Variants in PNLIPRP1 observed in about 807,000 individuals in gnomAD.
The protein encoded by PNLIPRP1 is pancreatic lipase related protein 1.
Under a neutral mutation model 54.6 loss-of-function variants are expected in PNLIPRP1, and 57 were observed. The observed-to-expected ratio is 1.04, with a 90% CI of 0.84 to 1.30. The LOEUF is 1.30. PNLIPRP1 is among the 50% of genes most tolerant of loss of function. The probability of loss-of-function intolerance (pLI) is 0.00; values close to 1 mark genes in which losing one functional copy is unlikely to be tolerated. For synonymous variants in PNLIPRP1, 232 were observed against 208.8 expected (o/e 1.11, Z -0.96); for missense variants, 567 against 568.5 (o/e 1.00, Z 0.03).
At chr10:116,602,583 G>A (rs1847865782) in intron 10 of PNLIPRP1, among the ~76,000 whole-genome samples, 1 of 152,236 alleles carries the variant, frequency 6.6e-6, no homozygotes, top group African/African-American at 2.4e-5. Context: ...GTTGGGCTTG[G>A]TGGCTGTTGC....
chr10:116,604,490 CT>C (rs2133240991), intron 11 of PNLIPRP1, among the ~76,000 whole-genome samples: 1 of 152,204 alleles, frequency 6.6e-6, no homozygotes, highest in South Asian at 2.1e-4. Flanking sequence ...GCTGTGCCAT[CT>C]ACGTTTGTGT....
chr10:116,596,361 A>G lies in PNLIPRP1; in HGVS notation c.574+39A>G. ...GGCAGGGCCCCAGTTTTGTCCCCAG[A>G]AACCCCAGAATGAGGTCTCAAGAAT... On this transcript the variant is annotated intron_variant, in intron 6 of 12. Coordinates refer to ENST00000358834, the MANE Select transcript of PNLIPRP1 (RefSeq NM_006229.4). The G allele has an allele frequency of 2.4e-6, 3 of 1,254,792 alleles. No homozygotes were observed. The South Asian group carries it at 3.7e-5, about 15-fold the overall frequency. The allele number at this position is 1,254,792 out of a possible 1,614,324, so 77.7% of individuals were successfully genotyped here. A position where few individuals can be genotyped will look rare whatever the true frequency, so the allele number is the denominator to read the frequency against.
rs372862202 is a variant in PNLIPRP1 at position 116,600,178 on chromosome 10, C to A, written c.933+13C>A. The A allele has an allele frequency of 6.5e-6, 10 of 1,544,314 alleles. No homozygotes were observed. In the African/African-American group the frequency reaches 1.4e-4, roughly 21 times the overall value. On this transcript the variant is annotated intron_variant, in intron 9 of 12. Transcript: ENST00000358834. ...GTCCTTTGAGTCTGTAAGCTATTGT[C>A]CTGCCTCGAGCAACAAGCATCACCC...
intron 12 of PNLIPRP1, among the ~76,000 whole-genome samples, chr10:116,605,777 T>C (rs1463923146): frequency 6.6e-6 from 1 of 152,174 alleles, no homozygotes; most frequent in Non-Finnish European, 1.5e-5. Context: ...ATACAGAAGA[T>C]AAGGCTGCAC....
At chr10:116,604,297 A>G (rs1847899479) in intron 11 of PNLIPRP1, among the ~76,000 whole-genome samples, 159 bp downstream of exon 11, 2 of 152,222 alleles carry the variant, frequency 1.3e-5, no homozygotes, top group South Asian at 2.1e-4. Flanking sequence ...CACATACACA[A>G]CAGTTGCTTT....
chr10:116,601,326 T>A (rs1362970037), intron 10 of PNLIPRP1, 125 bp downstream of exon 10: 6 of 861,168 alleles, frequency 7.0e-6, no homozygotes, highest in South Asian at 1.8e-5. Context: ...ATGGACACAT[T>A]TACCGAAACT....
At chr10:116,603,927 T>G (rs1364939201) in intron 10 of PNLIPRP1, 103 bp from the exon 11 acceptor site, 3 of 540,332 alleles carry the variant, frequency 5.6e-6, no homozygotes, top group Non-Finnish European at 9.8e-6. Flanking sequence ...AGAAAAGAAT[T>G]TCTTATGCTT....
chr10:116,592,268 A>G, intron 3 of PNLIPRP1, 148 bp from the exon 4 acceptor site: 1 of 855,742 alleles, frequency 1.2e-6, no homozygotes, highest in East Asian at 2.5e-5. Context: ...TGGGGCAAGA[A>G]AAGGGAGATC....
intron 4 of PNLIPRP1, chr10:116,594,383 C>T (rs543983295): frequency 4.1e-5 from 21 of 517,836 alleles, no homozygotes; most frequent in Non-Finnish European, 6.5e-5. Flanking sequence ...CATTTAGACA[C>T]TGGCCACCGG....
chr10:116,601,943 C>A (rs1554864836), intron 10 of PNLIPRP1, among the ~76,000 whole-genome samples: 1 of 152,052 alleles, frequency 6.6e-6, no homozygotes, highest in East Asian at 1.9e-4. Flanking sequence ...TGAGTTTGGA[C>A]AAATGAATAG....
chr10:116,592,308 T>C (rs1735172740), intron 3 of PNLIPRP1, 108 bp from the exon 4 acceptor site: 34 of 1,338,310 alleles, frequency 2.5e-5, no homozygotes, highest in Non-Finnish European at 3.1e-5. Flanking sequence ...AAGTGGCTTT[T>C]TGCTAAGCTT....
At chr10:116,600,742 A>G (rs1049316456) in intron 9 of PNLIPRP1, among the ~76,000 whole-genome samples, 1 of 152,200 alleles carries the variant, frequency 6.6e-6, no homozygotes, top group Non-Finnish European at 1.5e-5. Context: ...CACCACTGAA[A>G]ATGGTAAGCA....
At position 116,601,161 on chromosome 10, in the gene PNLIPRP1, G is replaced by T; in HGVS notation, c.1023G>T (p.Gln341His). 3 of 1,614,126 alleles carry T rather than the reference G, an allele frequency of 1.9e-6. No homozygotes were observed. Among genetic ancestry groups the T allele is most frequent in the Non-Finnish European group, 2.5e-6 (3 of 1,180,018 alleles). Reference protein sequence around the residue: ...KFAGRTSEEQQKFFLNTGEAS... With the variant: ...KFAGRTSEEQHKFFLNTGEAS... The stretch of plus-strand genomic sequence containing the variant: ...CTGGCAGGACAAGTGAAGAGCAGCA[G>T]AAATTCTTCTTGAACACAGGAGAGG... Residue 341 changes from glutamine to histidine, a missense_variant, in exon 10 of 13, where the codon CAG becomes CAT. Transcript: ENST00000358834.
chr10:116,601,239 G>C, intron 10 of PNLIPRP1, 38 bp downstream of exon 10: 2 of 1,574,198 alleles, frequency 1.3e-6, no homozygotes, highest in Non-Finnish European at 1.7e-6. Flanking sequence ...TGTAAAGAAA[G>C]TATATAGTTT....
rs562281551 is a variant in PNLIPRP1 at position 116,602,103 on chromosome 10, C to T, written c.1063+902C>T. On this transcript the variant is annotated intron_variant, in intron 10 of 12. Coordinates refer to ENST00000358834, the MANE Select transcript of PNLIPRP1 (RefSeq NM_006229.4). Reference sequence around the variant, plus strand: ...CAATCTTGGCTCACTACAACCTCCCCCTCCCGGGTTCACGCCATTCTCCTG... The same window carrying T: ...CAATCTTGGCTCACTACAACCTCCCTCTCCCGGGTTCACGCCATTCTCCTG... Among the ~76,000 whole-genome samples the T allele has an allele frequency of 2.8e-4, 42 of 152,174 alleles. No homozygotes were observed. In the East Asian group the frequency reaches 8.0e-3, roughly 29 times the overall value.
At chr10:116,603,089 ATGTATT>A (rs782619174) in intron 10 of PNLIPRP1, among the ~76,000 whole-genome samples, 5 of 152,144 alleles carry the variant, frequency 3.3e-5, no homozygotes, top group Admixed American at 1.3e-4. Context: ...GTTTGTGTAT[ATGTATT>A]TGTATTTGTG....
At chr10:116,608,936 C>G in intron 12 of PNLIPRP1, 117 bp from the exon 13 acceptor site, 2 of 802,608 alleles carry the variant, frequency 2.5e-6, no homozygotes, top group South Asian at 2.8e-5. Context: ...TCAACTGTGA[C>G]CTGGGCTTAA....
chr10:116,608,038 T>C (rs1309575836), intron 12 of PNLIPRP1, among the ~76,000 whole-genome samples: 7 of 152,118 alleles, frequency 4.6e-5, no homozygotes, highest in Admixed American at 4.6e-4. Context: ...GTATTTTTAG[T>C]AGAGACAGGG....
chr10:116,606,079 A>G lies in PNLIPRP1; in HGVS notation c.1340+526A>G, dbSNP rs2133243128. Among the ~76,000 whole-genome samples the G allele has an allele frequency of 2.0e-5, 3 of 152,250 alleles. No individual in the cohort carries two copies. The Middle Eastern group carries it at 0.01, about 518-fold the overall frequency. ...GTAGGAAAAAGGGACGGCTGGAGGAAAGTTGGAGTGGTGACCTGAGAGGGC... is the reference window on the plus strand; with the variant it reads ...GTAGGAAAAAGGGACGGCTGGAGGAGAGTTGGAGTGGTGACCTGAGAGGGC... On this transcript the variant is annotated intron_variant, in intron 12 of 12. Transcript: ENST00000358834.
Sources: allele counts gnomAD v4.1 joint callset (sites outside exome capture counted in the v4.1 genomes callset), GRCh38; gene constraint gnomAD v4.1.1; transcripts MANE v1.5; gene names NCBI Gene and HGNC (gene_info 2026-07-23, HGNC 2026-07-21).